ZCWPW2: variants seen among roughly 807,000 people sequenced by gnomAD.
ZCWPW2 encodes zinc finger CW-type and PWWP domain containing 2, also known as zinc finger CW-type PWWP domain protein 2.
In ZCWPW2, 45 loss-of-function variants were observed where a neutral mutation model predicts 46.6. The observed-to-expected ratio is 0.96, with a 90% CI of 0.76 to 1.24. ZCWPW2 has a LOEUF of 1.24. Ranked by LOEUF, ZCWPW2 falls within the 50% of genes most tolerant of loss-of-function variation. The pLI is 0.00. For missense variants in ZCWPW2, 429 were observed against 403.9 expected (o/e 1.06, Z -0.53); for synonymous variants, 152 against 137.1 (o/e 1.11, Z -0.76).
At chr3:28,388,935 T>G (rs1695381525) in intron 1 of ZCWPW2, among the ~76,000 whole-genome samples, 1 of 152,204 alleles carries the variant, frequency 6.6e-6, no homozygotes, top group South Asian at 2.1e-4. Flanking sequence ...AGACATACTG[T>G]TTCTCTTCCA....
At position 28,506,441 on chromosome 3, in the gene ZCWPW2, A is replaced by G. The variant is rs1425796222; in HGVS notation, c.658-7623A>G. Among the ~76,000 whole-genome samples the G allele has an allele frequency of 2.6e-5, 4 of 152,182 alleles. No individual in the cohort carries two copies. The East Asian group carries it at 7.7e-4, about 29-fold the overall frequency. On this transcript the variant is annotated intron_variant, in intron 6 of 9. Coordinates refer to ENST00000383768, the MANE Select transcript of ZCWPW2 (RefSeq NM_001040432.4). ...TACTCTGAATAGTACTAGGCTAGAC[A>G]ACATAGGAGAATCAGCTATGCAACA... is the stretch of plus-strand genomic sequence containing the variant.
At chr3:28,353,440 A>G (rs1247772333) in intron 1 of ZCWPW2, among the ~76,000 whole-genome samples, 2 of 152,302 alleles carry the variant, frequency 1.3e-5, no homozygotes, top group East Asian at 3.9e-4. Flanking sequence ...TTCAAGGAAA[A>G]GAGGCATGAT....
chr3:28,374,848 G>T (rs1461935860), intron 1 of ZCWPW2, among the ~76,000 whole-genome samples: 1 of 151,946 alleles, frequency 6.6e-6, no homozygotes, highest in Non-Finnish European at 1.5e-5. Flanking sequence ...TACTGAATTT[G>T]CTTAACAGGT....
intron 1 of ZCWPW2, among the ~76,000 whole-genome samples, chr3:28,383,984 C>T (rs1695187387): frequency 6.6e-6 from 1 of 152,080 alleles, no homozygotes; most frequent in Admixed American, 6.5e-5. Flanking sequence ...AATCAATATG[C>T]TCCATACCAC....
At chr3:28,379,266 C>A (rs1379571449) in intron 1 of ZCWPW2, among the ~76,000 whole-genome samples, 1 of 151,846 alleles carries the variant, frequency 6.6e-6, no homozygotes, top group Non-Finnish European at 1.5e-5. Context: ...CCTTGTAAAG[C>A]CAGAGGAAAA....
chr3:28,349,054 G>T lies in ZCWPW2; in HGVS notation c.-283G>T, dbSNP rs947890441. Reference sequence around the variant, plus strand: ...AGGAAACCGGAAGTCAGGCCCGAGGGAGCTGGGAGGGCGTTAGCGAAGCCA... The same window carrying T: ...AGGAAACCGGAAGTCAGGCCCGAGGTAGCTGGGAGGGCGTTAGCGAAGCCA... On this transcript the variant is annotated 5_prime_UTR_variant, in exon 1 of 10. Coordinates refer to ENST00000383768, the MANE Select transcript of ZCWPW2 (RefSeq NM_001040432.4). 5 of 986,070 alleles carry T rather than the reference G, an allele frequency of 5.1e-6. No individual in the cohort carries two copies. In the African/African-American group the frequency reaches 5.2e-5, roughly 10 times the overall value. The allele number at this position is 986,070 out of a possible 1,614,324, so 61.1% of individuals were successfully genotyped here.
At chr3:28,427,302 A>T (rs1258058359) in intron 3 of ZCWPW2, among the ~76,000 whole-genome samples, 9 of 152,198 alleles carry the variant, frequency 5.9e-5, no homozygotes. Flanking sequence ...TAAGGGCAAA[A>T]AGTGGACATC....
Position 28,413,254 on chromosome 3 carries a change from G to A in ZCWPW2, c.186G>A (p.Met62Ile), listed in dbSNP as rs1324204524. 6.2e-7 allele frequency: 1 copy of A among 1,613,322 alleles called. No homozygotes were observed. Among genetic ancestry groups the A allele is most frequent in the Non-Finnish European group, 8.5e-7 (1 of 1,179,548 alleles). ...ATGATGAACCATGGTACTGCTTCAT[G>A]AACACTGATTCAAGATATAATAACT... ...VDHDEPWYCF[M>I]NTDSRYNNCS... The change falls in exon 3 of 10, where the codon ATG becomes ATA. Residue 62 changes from methionine (M) to isoleucine (I), a missense_variant. Coordinates refer to ENST00000383768, the MANE Select transcript of ZCWPW2 (RefSeq NM_001040432.4).
chr3:28,366,918 A>G (rs1705138601), intron 1 of ZCWPW2, among the ~76,000 whole-genome samples: 1 of 152,142 alleles, frequency 6.6e-6, no homozygotes, highest in Non-Finnish European at 1.5e-5. Flanking sequence ...TAGATTTTCT[A>G]GTTTATTTGT....
At chr3:28,406,781 G>T (rs897119885) in intron 2 of ZCWPW2, among the ~76,000 whole-genome samples, 1 of 147,978 alleles carries the variant, frequency 6.8e-6, no homozygotes, top group Non-Finnish European at 1.5e-5. Context: ...ATTTTTGTAC[G>T]TTACATGCAT....
intron 3 of ZCWPW2, among the ~76,000 whole-genome samples, chr3:28,430,740 C>T (rs1697221241): frequency 6.6e-6 from 1 of 152,032 alleles, no homozygotes; most frequent in African/African-American, 2.4e-5. Flanking sequence ...ATGCTCTTCT[C>T]ATAATAGTGA....
At chr3:28,442,647 C>CT (rs1697813275) in intron 4 of ZCWPW2, among the ~76,000 whole-genome samples, 1 of 152,204 alleles carries the variant, frequency 6.6e-6, no homozygotes, top group African/African-American at 2.4e-5. Flanking sequence ...TTTGCCAAGT[C>CT]AACGGCTGCA....
At chr3:28,516,286 TAA>T (rs1700571253) in intron 8 of ZCWPW2, among the ~76,000 whole-genome samples, 1 of 150,452 alleles carries the variant, frequency 6.6e-6, no homozygotes, top group Non-Finnish European at 1.5e-5. Context: ...AATAAATAAA[TAA>T]ATAAATAAAT....
intron 5 of ZCWPW2, among the ~76,000 whole-genome samples, chr3:28,488,323 C>G (rs1044267551): frequency 6.6e-6 from 1 of 152,090 alleles, no homozygotes; most frequent in African/African-American, 2.4e-5. Context: ...GCCCTGTGAC[C>G]CCACTTCTCC....
chr3:28,409,442 C>T lies in ZCWPW2; in HGVS notation c.-13-3614C>T, dbSNP rs1026409114. On this transcript the variant is annotated intron_variant, in intron 2 of 9. Transcript: ENST00000383768. Reference sequence around the variant, plus strand: ...GCCACTGTTTTCTCCCTTTCTCTCACTATCCTCATTCAGTGAATACTGTTA... The same window carrying T: ...GCCACTGTTTTCTCCCTTTCTCTCATTATCCTCATTCAGTGAATACTGTTA... Among the ~76,000 whole-genome samples, 3 of 152,058 alleles carry T rather than the reference C, an allele frequency of 2.0e-5. No homozygotes were observed. The East Asian group carries it at 5.8e-4, about 29-fold the overall frequency.
chr3:28,402,594 T>A (rs1436799502), intron 2 of ZCWPW2, among the ~76,000 whole-genome samples: 1 of 152,008 alleles, frequency 6.6e-6, no homozygotes, highest in Non-Finnish European at 1.5e-5. Context: ...GAAAAAGACA[T>A]AAGCAAAAAA....
chr3:28,430,530 C>T (rs548110287), intron 3 of ZCWPW2, among the ~76,000 whole-genome samples: 2 of 152,274 alleles, frequency 1.3e-5, no homozygotes, highest in African/African-American at 2.4e-5. Flanking sequence ...TGAGTTAAGA[C>T]TTTGGAGGAC....
chr3:28,521,188 T>C, intron 9 of ZCWPW2, 72 bp downstream of exon 9: 6 of 1,479,694 alleles, frequency 4.1e-6, no homozygotes, highest in Non-Finnish European at 5.4e-6. Flanking sequence ...TGTTCCTAGT[T>C]GTACATTTTA....
chr3:28,497,087 A>G (rs1700009978), intron 6 of ZCWPW2, among the ~76,000 whole-genome samples: 1 of 150,344 alleles, frequency 6.7e-6, no homozygotes, highest in South Asian at 2.1e-4. Flanking sequence ...TTATAGAAAT[A>G]AACAAAATAC....
Sources: gnomAD v4.1 joint callset for allele counts (sites outside exome capture counted in the v4.1 genomes callset) on GRCh38, gnomAD v4.1.1 for gene constraint, MANE v1.5 for transcripts, NCBI Gene and HGNC (gene_info 2026-07-23, HGNC 2026-07-21) for gene names.